CACNA2D1: variants seen among roughly 807,000 people sequenced by gnomAD.
CACNA2D1 encodes the protein voltage-dependent calcium channel subunit alpha-2/delta-1.
Under a neutral mutation model 171.5 loss-of-function variants are expected in CACNA2D1, and 53 were observed. The ratio of observed to expected loss-of-function variants is 0.31; its 90% CI spans 0.25 to 0.39. The LOEUF is 0.39. CACNA2D1 is among the 10% of genes least tolerant of loss of function. CACNA2D1 has a pLI of 1.00. For synonymous variants in CACNA2D1, 442 were observed against 443.1 expected (o/e 1.00, Z 0.03); for missense variants, 903 against 1,299.8 (o/e 0.69, Z 4.69).
chr7:82,411,552 T>A (rs574970994), intron 1 of CACNA2D1, among the ~76,000 whole-genome samples: 15 of 152,154 alleles, frequency 9.9e-5, no homozygotes, highest in Admixed American at 3.3e-4. Context: ...AAAGAAGTAA[T>A]ATTATTTAAA....
chr7:82,163,507 T>A (rs1795146216), intron 4 of CACNA2D1, among the ~76,000 whole-genome samples: 1 of 151,900 alleles, frequency 6.6e-6, no homozygotes, highest in Non-Finnish European at 1.5e-5. Context: ...AAGATGAGGG[T>A]AAAGTAAGAA....
chr7:82,161,417 T>G (rs1794934526), intron 4 of CACNA2D1, among the ~76,000 whole-genome samples: 1 of 152,068 alleles, frequency 6.6e-6, no homozygotes, highest in African/African-American at 2.4e-5. Flanking sequence ...ATTCATAATT[T>G]GATTAATAAT....
At chr7:82,420,170 T>C (rs1828585717) in intron 1 of CACNA2D1, among the ~76,000 whole-genome samples, 1 of 152,240 alleles carries the variant, frequency 6.6e-6, no homozygotes. Context: ...TAGACATTAA[T>C]AGTTATGTTC....
At chr7:82,285,540 T>A (rs1810647979) in intron 3 of CACNA2D1, among the ~76,000 whole-genome samples, 1 of 152,132 alleles carries the variant, frequency 6.6e-6, no homozygotes, top group African/African-American at 2.4e-5. Context: ...CAGGGGGTGA[T>A]AAGGAGGTGT....
intron 6 of CACNA2D1, among the ~76,000 whole-genome samples, chr7:82,097,018 G>T (rs192914180): frequency 8.5e-5 from 13 of 152,210 alleles, no homozygotes; most frequent in African/African-American, 2.6e-4. Flanking sequence ...GTTTTGAGGG[G>T]CAGGGTAGAA....
chr7:82,094,348 G>T (rs981844717), intron 6 of CACNA2D1, among the ~76,000 whole-genome samples: 6 of 152,056 alleles, frequency 3.9e-5, no homozygotes, highest in Non-Finnish European at 8.8e-5. Context: ...ACAACATGAG[G>T]TTAATATCCT....
intron 9 of CACNA2D1, among the ~76,000 whole-genome samples, chr7:82,063,157 T>C (rs1584601962): frequency 6.6e-6 from 1 of 152,294 alleles, no homozygotes. Context: ...AAATTTCATA[T>C]ACACTTTCAA....
intron 2 of CACNA2D1, among the ~76,000 whole-genome samples, chr7:82,339,484 G>A (rs192421099): frequency 1.3e-5 from 2 of 152,220 alleles, no homozygotes; most frequent in African/African-American, 2.4e-5. Context: ...CCTTACACAT[G>A]GCTAGAAATA....
At chr7:82,235,738 A>C (rs1183186816) in intron 3 of CACNA2D1, among the ~76,000 whole-genome samples, 1 of 152,046 alleles carries the variant, frequency 6.6e-6, no homozygotes. Context: ...TCAAATGCCA[A>C]GCACCATTGT....
At chr7:82,140,824 G>A (rs939526440) in intron 4 of CACNA2D1, among the ~76,000 whole-genome samples, 6 of 151,600 alleles carry the variant, frequency 4.0e-5, no homozygotes, top group East Asian at 3.9e-4. Flanking sequence ...GCGTGGTGGC[G>A]GGCACCTGTG....
chr7:81,950,497 A>G lies in CACNA2D1; in HGVS notation c.3171T>C (p.Thr1057=). The G allele has an allele frequency of 6.2e-7, 1 of 1,612,690 alleles. No individual in the cohort carries two copies. Among genetic ancestry groups the G allele is most frequent in the Non-Finnish European group, 8.5e-7 (1 of 1,179,330 alleles). The change falls in exon 39 of 39, where the codon ACT becomes ACC. Residue 1057 remains threonine (T), a synonymous_variant. Coordinates refer to ENST00000356860, the MANE Select transcript of CACNA2D1 (RefSeq NM_000722.4). ...CFDNNVLEDY[T]DCGGVSGLNP... ...TTAATCCAGAAACACCACCACAGTCAGTATAATCCTCCTGTTGTTAAAAAA... is the reference window on the plus strand; with the variant it reads ...TTAATCCAGAAACACCACCACAGTCGGTATAATCCTCCTGTTGTTAAAAAA...
At chr7:82,005,644 A>C in intron 17 of CACNA2D1, 121 bp downstream of exon 17, 1 of 886,974 alleles carries the variant, frequency 1.1e-6, no homozygotes, top group Non-Finnish European at 1.9e-6. Flanking sequence ...GATGCTTTTA[A>C]CCATTTAGTT....
intron 3 of CACNA2D1, among the ~76,000 whole-genome samples, chr7:82,334,583 A>G (rs1817757452): frequency 6.6e-6 from 1 of 152,234 alleles, no homozygotes; most frequent in Non-Finnish European, 1.5e-5. Flanking sequence ...TGAAGATTAC[A>G]TACAGTGCAA....
chr7:82,001,748 G>A (rs948958553), intron 18 of CACNA2D1: 1 of 922,354 alleles, frequency 1.1e-6, no homozygotes, highest in Admixed American at 2.3e-5. Flanking sequence ...ATTCATCATA[G>A]TACATGTCAA....
intron 8 of CACNA2D1, 123 bp from the exon 9 acceptor site, chr7:82,064,477 C>G: frequency 1.6e-6 from 1 of 635,794 alleles, no homozygotes; most frequent in Admixed American, 2.3e-5. Flanking sequence ...CCACTTCTAT[C>G]TAAGTAGACA....
Position 81,949,707 on chromosome 7 carries a change from C to A in CACNA2D1, c.*685G>T, listed in dbSNP as rs909583773. ...CATATTCTAATTTCTCCCTCAAGCA[C>A]CTTTAGTTTAATAATTTCTTAGTTA... is the stretch of plus-strand genomic sequence containing the variant. On this transcript the variant is annotated 3_prime_UTR_variant, in exon 39 of 39. Coordinates refer to ENST00000356860, the MANE Select transcript of CACNA2D1 (RefSeq NM_000722.4). 3.9e-5 allele frequency: 6 copies of A among 152,168 alleles called. No homozygotes were observed. The highest frequency in any genetic ancestry group is 7.3e-5 in the Non-Finnish European group (5 of 68,114). 9.4% of individuals were successfully genotyped at this position (152,168 alleles called of 1,614,324 possible).
At chr7:82,332,447 C>A (rs568187625) in intron 3 of CACNA2D1, among the ~76,000 whole-genome samples, 2 of 150,670 alleles carry the variant, frequency 1.3e-5, no homozygotes, top group South Asian at 4.2e-4. Context: ...ACAACAATAT[C>A]TTGGATATTT....
chr7:81,973,187 T>C (rs16887158), intron 25 of CACNA2D1, among the ~76,000 whole-genome samples: 14,047 of 152,082 alleles, frequency 0.092, 684 homozygotes, highest in Middle Eastern at 0.2. Context: ...TAAAGGAACA[T>C]TCAACAATCT....
chr7:81,958,081 T>A (rs150132105), intron 38 of CACNA2D1, among the ~76,000 whole-genome samples: 1,600 of 151,862 alleles, frequency 0.011, 14 homozygotes, highest in Non-Finnish European at 0.017. Flanking sequence ...TCCGCCTATC[T>A]GGACTTAATA....
Sources: allele counts gnomAD v4.1 joint callset (sites outside exome capture counted in the v4.1 genomes callset), GRCh38; gene constraint gnomAD v4.1.1; transcripts MANE v1.5; gene names NCBI Gene and HGNC (gene_info 2026-07-23, HGNC 2026-07-21).